Variants in POLQ observed in about 807,000 individuals in gnomAD.
POLQ encodes DNA polymerase theta, also known as epididymis secretory sperm binding protein.
POLQ carries 233 observed loss-of-function variants against 259.2 expected under a neutral mutation model. That is an observed-to-expected ratio of 0.90 (90% CI 0.81 to 1.00). The LOEUF (loss-of-function observed/expected upper bound fraction) is 1.00, where lower values mean the gene tolerates loss of function less well. Among genes scored for constraint, POLQ ranks in the 50% least tolerant of loss-of-function variants. The pLI, the probability that POLQ is intolerant of heterozygous loss-of-function variation, is 0.00. For synonymous variants in POLQ, 1,025 were observed against 1,048.8 expected (o/e 0.98, Z 0.44); for missense variants, 2,871 against 3,051.6 (o/e 0.94, Z 1.39).
intron 20 of POLQ, among the ~76,000 whole-genome samples, chr3:121,474,291 C>T (rs1278189787): frequency 1.3e-5 from 2 of 152,212 alleles, no homozygotes; most frequent in Admixed American, 6.5e-5. Context: ...AGTCCCTAGG[C>T]ACAAAAAGTT....
intron 9 of POLQ, among the ~76,000 whole-genome samples, chr3:121,513,984 T>G (rs1185627675): frequency 2.0e-5 from 2 of 99,280 alleles, no homozygotes; most frequent in African/African-American, 8.0e-5. Context: ...ATTGTGCCAC[T>G]GCACTCCAGC....
intron 12 of POLQ, among the ~76,000 whole-genome samples, chr3:121,506,022 CAAAAAAAAAA>C (rs56305313): frequency 1.1e-5 from 1 of 88,556 alleles, no homozygotes; most frequent in South Asian, 3.9e-4. Flanking sequence ...AACTCCATCT[CAAAAAAAAAA>C]AAAAAAAAAA....
chr3:121,435,415 C>A (rs2047534561), intron 28 of POLQ, among the ~76,000 whole-genome samples: 1 of 152,180 alleles, frequency 6.6e-6, no homozygotes, highest in Non-Finnish European at 1.5e-5. Flanking sequence ...GATCAGAGAA[C>A]ACTGAAGGTC....
chr3:121,464,484 T>C (rs773701938), intron 24 of POLQ, among the ~76,000 whole-genome samples: 47 of 152,332 alleles, frequency 3.1e-4, no homozygotes, highest in Admixed American at 1.8e-3. Flanking sequence ...ACTGAAAATA[T>C]TAAAAATTTT....
At position 121,431,994 on chromosome 3, in the gene POLQ, G is replaced by C; in HGVS notation, c.*310C>G. 4.3e-6 allele frequency: 1 copy of C among 232,492 alleles called. No homozygotes were observed. Among genetic ancestry groups the C allele is most frequent in the South Asian group, 1.6e-4 (1 of 6,094 alleles). 14.4% of individuals were successfully genotyped at this position (232,492 alleles called of 1,614,324 possible). On this transcript the variant is annotated 3_prime_UTR_variant, in exon 30 of 30. Coordinates refer to ENST00000264233, the MANE Select transcript of POLQ (RefSeq NM_199420.4). ...GACAGATGTGGAACCAAAGTGCTAA[G>C]TGCATATTTCAAGCATCTGTTCTGA...
chr3:121,476,647 C>T lies in POLQ; in HGVS notation c.6298G>A (p.Glu2100Lys). The T allele has an allele frequency of 6.2e-7, 1 of 1,613,754 alleles. No individual in the cohort carries two copies. Among genetic ancestry groups the T allele is most frequent in the Non-Finnish European group, 8.5e-7 (1 of 1,179,710 alleles). Residue 2100 changes from glutamate to lysine, a missense_variant, in exon 20 of 30, where the codon GAA becomes AAA. Around this residue, in one of 3 missense-constraint regions of POLQ, gnomAD observed 2,080 missense variants for 2,126.0 expected, o/e 0.98. Transcript: ENST00000264233. The part of the protein sequence containing the change: ...NGIGFSTAEC[E>K]SQKHIMQAKL... ...GCTTGCATTATATGTTTCTGACTTT[C>T]ACATTCTGCAGTACTAAAGCCAATT... is the stretch of plus-strand genomic sequence containing the variant.
At chr3:121,497,593 C>T (rs2048134948) in intron 13 of POLQ, among the ~76,000 whole-genome samples, 1 of 152,076 alleles carries the variant, frequency 6.6e-6, no homozygotes, top group Admixed American at 6.6e-5. Flanking sequence ...CACACCACCA[C>T]AAACGGCTAA....
At chr3:121,470,606 G>A (rs1012418430) in intron 22 of POLQ, among the ~76,000 whole-genome samples, 3 of 152,008 alleles carry the variant, frequency 2.0e-5, no homozygotes, top group Non-Finnish European at 2.9e-5. Context: ...TACCTTATTC[G>A]TTTATTGGTT....
At chr3:121,453,490 G>A (rs1343621735) in intron 25 of POLQ, among the ~76,000 whole-genome samples, 2 of 152,198 alleles carry the variant, frequency 1.3e-5, no homozygotes, top group Admixed American at 1.3e-4. Context: ...TAAAAACTTA[G>A]AATAAAATTT....
At chr3:121,530,862 C>T (rs1422247470) in intron 6 of POLQ, among the ~76,000 whole-genome samples, 2 of 152,164 alleles carry the variant, frequency 1.3e-5, no homozygotes, top group African/African-American at 2.4e-5. Context: ...AATGTTTCTA[C>T]TCCAGTAGGA....
rs907846224 is a variant in POLQ, at chr3:121,449,369, T to A, written c.7210A>T (p.Ile2404Phe). 8 of 1,608,600 alleles carry A rather than the reference T, an allele frequency of 5.0e-6. No individual in the cohort carries two copies. The highest frequency in any genetic ancestry group is 2.7e-5 in the African/African-American group (2 of 74,920). The change falls in exon 26 of 30, where the codon ATT becomes TTT. Residue 2404 changes from isoleucine (I) to phenylalanine (F), a missense_variant. Physicochemically the swap from Ile to Phe is conservative, Grantham distance 21. This residue lies in a region of POLQ where 2,080 missense variants were observed against 2,126.0 expected (regional missense o/e 0.98). Coordinates refer to ENST00000264233, the MANE Select transcript of POLQ (RefSeq NM_199420.4). ...GAKSLGEQMG[I>F]KENDAACYID... ...TAGCATGCAGCATCATTTTCTTTAA[T>A]GCCCATCTGCTCTCCCAAAGATTTA...
chr3:121,490,625 T>A (rs967618065), intron 15 of POLQ, among the ~76,000 whole-genome samples: 2 of 152,186 alleles, frequency 1.3e-5, no homozygotes, highest in African/African-American at 4.8e-5. Context: ...ATAAGAGTTG[T>A]ATACAAAAAT....
chr3:121,514,428 A>C (rs1015540242), intron 9 of POLQ, among the ~76,000 whole-genome samples: 17 of 151,824 alleles, frequency 1.1e-4, no homozygotes, highest in Non-Finnish European at 2.5e-4. Context: ...CCACAAAACT[A>C]CATAAAAATT....
chr3:121,533,031 T>C lies in POLQ; in HGVS notation c.919A>G (p.Met307Val), dbSNP rs759267918. The C allele has an allele frequency of 3.8e-5, 62 of 1,613,242 alleles. No individual in the cohort carries two copies. Among genetic ancestry groups the C allele is most frequent in the Non-Finnish European group, 4.7e-5 (55 of 1,179,496 alleles). Residue 307 changes from methionine (M) to valine (V), a missense_variant, in exon 6 of 30, where the codon ATG becomes GTG. Transcript: ENST00000264233. ...KVGNSIYDSS[M>V]KLVREFEPML... ...GGCTCAAATTCCCTCACAAGTTTCA[T>C]TGAAGAGTCATATATGGAATTTCCA...
intron 15 of POLQ, 68 bp downstream of exon 15, chr3:121,493,410 T>A (rs193238596): frequency 1.7e-6 from 2 of 1,163,192 alleles, no homozygotes; most frequent in African/African-American, 3.3e-5. Flanking sequence ...TAATACATTA[T>A]CTATTATTTT....
intron 16 of POLQ, 67 bp from the exon 17 acceptor site, chr3:121,485,251 A>C: frequency 9.1e-7 from 1 of 1,104,494 alleles, no homozygotes; most frequent in African/African-American, 1.6e-5. Context: ...AATTGTTAAA[A>C]CAATTATAAT....
chr3:121,472,981 T>A (rs1165692010), intron 21 of POLQ, among the ~76,000 whole-genome samples: 1 of 152,182 alleles, frequency 6.6e-6, no homozygotes, highest in Non-Finnish European at 1.5e-5. Flanking sequence ...CCCAGCACGT[T>A]GGGAGGCTGA....
intron 9 of POLQ, among the ~76,000 whole-genome samples, chr3:121,516,638 G>A (rs2048299132): frequency 6.6e-6 from 1 of 152,058 alleles, no homozygotes; most frequent in Non-Finnish European, 1.5e-5. Flanking sequence ...CGCTATTTTG[G>A]CACCAAGCAC....
In POLQ at chr3:121,481,658, C is replaced by T; in HGVS notation, c.6125G>A (p.Gly2042Glu). The T allele has an allele frequency of 6.2e-7, 1 of 1,614,040 alleles. No homozygotes were observed. The highest frequency in any genetic ancestry group is 8.5e-7 in the Non-Finnish European group (1 of 1,179,970). The change falls in exon 19 of 30, where the codon GGG becomes GAG. Residue 2042 changes from glycine (G) to glutamate (E), a missense_variant. This residue lies in a region of POLQ where 2,080 missense variants were observed against 2,126.0 expected (regional missense o/e 0.98). Transcript: ENST00000264233. ...GGACTCCACAGATGCTCTGTATCGC[C>T]CAGAATGCTCACTGCCAGCATTTAG... The part of the protein sequence containing the change: ...LGLNAGSEHS[G>E]RYRASVESIL...
Sources: gnomAD v4.1 joint callset for allele counts (sites outside exome capture counted in the v4.1 genomes callset) on GRCh38, gnomAD v4.1.1 for gene constraint, gnomAD v4.1.1 regional missense constraint, MANE v1.5 for transcripts, NCBI Gene and HGNC (gene_info 2026-07-23, HGNC 2026-07-21) for gene names.